The following PLCL2 variants were observed in gnomAD, a reference collection of about 807,000 sequenced individuals.
The protein encoded by PLCL2 is phospholipase C like 2, also known as inactive phospholipase C-like protein 2.
A neutral mutation model predicts 79.6 loss-of-function variants in PLCL2; 4 were observed. That is an observed-to-expected ratio of 0.05 (90% CI 0.02 to 0.11). The LOEUF is 0.11. PLCL2 is among the 10% of genes least tolerant of loss of function. The pLI, the probability that PLCL2 is intolerant of heterozygous loss-of-function variation, is 1.00. For synonymous variants in PLCL2, 484 were observed against 457.7 expected, an observed-to-expected ratio of 1.06 and a Z score of -0.73; for missense variants, 895 against 1,291.0, an observed-to-expected ratio of 0.69 and a Z score of 4.70.
intron 1 of PLCL2, among the ~76,000 whole-genome samples, chr3:17,002,891 A>G (rs1454644878): frequency 6.6e-6 from 1 of 151,610 alleles, no homozygotes; most frequent in African/African-American, 2.4e-5. Flanking sequence ...TTATTACCCT[A>G]TCAAGGAATT....
intron 4 of PLCL2, among the ~76,000 whole-genome samples, chr3:17,062,621 T>C (rs1259953970): frequency 6.6e-6 from 1 of 152,220 alleles, no homozygotes; most frequent in Non-Finnish European, 1.5e-5. Context: ...TAGACTGGTA[T>C]ATGGGACATT....
chr3:16,895,040 A>C (rs933928370), intron 1 of PLCL2, among the ~76,000 whole-genome samples: 2 of 152,050 alleles, frequency 1.3e-5, no homozygotes, highest in Non-Finnish European at 2.9e-5. Context: ...CATTTTCAAC[A>C]TATATAGATA....
At chr3:16,961,202 C>G (rs1404075222) in intron 1 of PLCL2, among the ~76,000 whole-genome samples, 1 of 152,184 alleles carries the variant, frequency 6.6e-6, no homozygotes, top group Non-Finnish European at 1.5e-5. Flanking sequence ...TTAGTGTATA[C>G]CACTAGCAAA....
At position 17,053,556 on chromosome 3, in the gene PLCL2, T is replaced by C. The variant is rs571598935; in HGVS notation, c.3094+10607T>C. On this transcript the variant is annotated intron_variant, in intron 4 of 5. Transcript: ENST00000615277. Reference sequence around the variant, plus strand: ...TCACATTTCAAAATACAATCATCCCTTCCCAATAATCCCCCAAAGTCTTAA... The same window carrying C: ...TCACATTTCAAAATACAATCATCCCCTCCCAATAATCCCCCAAAGTCTTAA... Among the ~76,000 whole-genome samples, 14 of 152,306 alleles carry C rather than the reference T, an allele frequency of 9.2e-5. No homozygotes were observed. In the South Asian group the frequency reaches 2.9e-3, roughly 32 times the overall value.
rs1281171228 is a variant in PLCL2 at position 17,090,494 on chromosome 3, T to TG, written c.*585dup. 1 of 153,114 alleles carries TG rather than the reference T, an allele frequency of 6.5e-6. No homozygotes were observed. Among genetic ancestry groups the TG allele is most frequent in the East Asian group, 1.9e-4 (1 of 5,196 alleles). The allele number at this position is 153,114 out of a possible 1,614,324, so 9.5% of individuals were successfully genotyped here. A position where few individuals can be genotyped will look rare whatever the true frequency, so the allele number is the denominator to read the frequency against. ...TGAAGATACATGCCGAGTCAGCACA[T>TG]GGGTAGAGATGATGTAAAAGCAGCC... is the stretch of plus-strand genomic sequence containing the variant. On this transcript the variant is annotated 3_prime_UTR_variant, in exon 6 of 6. Transcript: ENST00000615277.
At chr3:17,024,781 A>G (rs1305609535) in intron 3 of PLCL2, among the ~76,000 whole-genome samples, 1 of 152,150 alleles carries the variant, frequency 6.6e-6, no homozygotes, top group African/African-American at 2.4e-5. Context: ...TTGAGCTGGG[A>G]GCCTCCTGCT....
At chr3:16,904,390 G>T (rs1193139434) in intron 1 of PLCL2, among the ~76,000 whole-genome samples, 1 of 151,932 alleles carries the variant, frequency 6.6e-6, no homozygotes, top group African/African-American at 2.4e-5. Flanking sequence ...GGGTATGTGT[G>T]TGTGGCGGGG....
intron 1 of PLCL2, among the ~76,000 whole-genome samples, chr3:16,930,225 A>G (rs1191439766): frequency 6.6e-5 from 10 of 152,148 alleles, no homozygotes; most frequent in Admixed American, 6.5e-4. Context: ...TGAGAAAGCA[A>G]CCTCATGGGT....
chr3:16,979,538 T>C lies in PLCL2; in HGVS notation c.328-30136T>C, dbSNP rs1317711930. ...CTTGAGATTAGGGAGTGGTGATGAC[T>C]CTTAACCAGCATGCTGCCTTCAAGC... On this transcript the variant is annotated intron_variant, in intron 1 of 5. Transcript: ENST00000615277. Among the ~76,000 whole-genome samples the C allele has an allele frequency of 3.2e-5, 3 of 93,614 alleles. 1 individual carries two copies. Among genetic ancestry groups the C allele is most frequent in the Non-Finnish European group, 6.3e-5 (3 of 47,254 alleles). 61.4% of individuals were successfully genotyped at this position (93,614 alleles called of 152,430 possible).
At chr3:16,929,758 T>C (rs1045475569) in intron 1 of PLCL2, among the ~76,000 whole-genome samples, 7 of 152,196 alleles carry the variant, frequency 4.6e-5, no homozygotes, top group Non-Finnish European at 1.0e-4. Flanking sequence ...AGGAGAATTC[T>C]CTCTGTATCC....
At chr3:17,005,738 A>G (rs1409737555) in intron 1 of PLCL2, among the ~76,000 whole-genome samples, 1 of 152,146 alleles carries the variant, frequency 6.6e-6, no homozygotes, top group Non-Finnish European at 1.5e-5. Flanking sequence ...CTAAATTTTA[A>G]GATTGTCAAG....
chr3:16,985,902 C>T (rs1341850765), intron 1 of PLCL2, among the ~76,000 whole-genome samples: 1 of 152,066 alleles, frequency 6.6e-6, no homozygotes, highest in Non-Finnish European at 1.5e-5. Flanking sequence ...TCAATATTCC[C>T]GGCAGCCCCT....
At chr3:17,041,347 G>A (rs118018913) in intron 3 of PLCL2, among the ~76,000 whole-genome samples, 4,838 of 152,202 alleles carry the variant, frequency 0.032, 117 homozygotes, top group South Asian at 0.062. Context: ...TTTCCACACA[G>A]GGGCTGCCTG....
Position 17,011,588 on chromosome 3 carries a change from G to A in PLCL2, c.2242G>A (p.Val748Ile). 1 of 1,614,072 alleles carries A rather than the reference G, an allele frequency of 6.2e-7. No homozygotes were observed. The highest frequency in any genetic ancestry group is 8.5e-7 in the Non-Finnish European group (1 of 1,179,996). Residue 748 changes from valine to isoleucine, a missense_variant, in exon 2 of 6, where the codon GTC (valine) becomes ATC (isoleucine). By Grantham distance (29) the Val-to-Ile change is conservative. Around this residue, in one of 6 missense-constraint regions of PLCL2, gnomAD observed 23 missense variants for 86.9 expected, o/e 0.26. Transcript: ENST00000615277. The surrounding 1 kb of genome is among the most constrained non-coding windows in gnomAD (Gnocchi z 7.9). Reference protein sequence around the residue: ...SFFSANTKDSVPGVSPQLLHI... With the variant: ...SFFSANTKDSIPGVSPQLLHI... ...CTTCAGCGCCAATACAAAAGACTCTGTCCCAGGGGTCTCACCTCAACTTCT... is the reference window on the plus strand; with the variant it reads ...CTTCAGCGCCAATACAAAAGACTCTATCCCAGGGGTCTCACCTCAACTTCT...
chr3:17,081,282 T>C (rs2065160110), intron 5 of PLCL2: 2 of 456,282 alleles, frequency 4.4e-6, no homozygotes, highest in Non-Finnish European at 8.8e-6. Flanking sequence ...CTGCATGTGA[T>C]TTGGAAGAAA....
At chr3:17,034,696 G>T (rs1489980833) in intron 3 of PLCL2, among the ~76,000 whole-genome samples, 1 of 152,148 alleles carries the variant, frequency 6.6e-6, no homozygotes, top group Admixed American at 6.5e-5. Context: ...GAAGTTTGAT[G>T]ACGTTTTTGT....
chr3:16,960,228 A>C (rs1489810225), intron 1 of PLCL2, among the ~76,000 whole-genome samples: 5 of 152,206 alleles, frequency 3.3e-5, no homozygotes, highest in African/African-American at 1.2e-4. Flanking sequence ...GCTGAAAATC[A>C]AGAAGCCTCA....
intron 1 of PLCL2, among the ~76,000 whole-genome samples, chr3:16,977,093 G>A (rs1205340081): frequency 6.6e-6 from 1 of 151,994 alleles, no homozygotes; most frequent in Non-Finnish European, 1.5e-5. Flanking sequence ...TGTGATAGGT[G>A]TTGGAGTAGC....
At chr3:16,988,004 TA>T (rs1210694897) in intron 1 of PLCL2, among the ~76,000 whole-genome samples, 1 of 152,206 alleles carries the variant, frequency 6.6e-6, no homozygotes, top group Non-Finnish European at 1.5e-5. Flanking sequence ...ACGAGCAAGC[TA>T]AACATTGGTA....
Sources: gnomAD v4.1 joint callset for allele counts (sites outside exome capture counted in the v4.1 genomes callset) on GRCh38, gnomAD v4.1.1 for gene constraint, gnomAD v4.1.1 regional missense constraint, Gnocchi (gnomAD v3.1) non-coding constraint, MANE v1.5 for transcripts, NCBI Gene and HGNC (gene_info 2026-07-23, HGNC 2026-07-21) for gene names.